The following AUTS2 variants were observed in gnomAD, a reference collection of about 807,000 sequenced individuals.
AUTS2 encodes activator of transcription and developmental regulator AUTS2, also known as autism susceptibility gene 2 protein.
In AUTS2, 17 loss-of-function variants were observed where a neutral mutation model predicts 112.4. The ratio of observed to expected loss-of-function variants is 0.15; its 90% confidence interval spans 0.10 to 0.23. AUTS2 has a LOEUF of 0.23. Among genes scored for constraint, AUTS2 ranks in the 10% least tolerant of loss-of-function variants. The pLI, the probability that AUTS2 is intolerant of heterozygous loss-of-function variation, is 1.00. For synonymous variants in AUTS2, 751 were observed against 702.7 expected, an observed-to-expected ratio of 1.07 and a Z score of -1.09; for missense variants, 1,510 against 1,701.6, an observed-to-expected ratio of 0.89 and a Z score of 1.98.
intron 4 of AUTS2, among the ~76,000 whole-genome samples, chr7:70,140,168 G>A (rs1385776585): frequency 2.0e-5 from 3 of 152,124 alleles, no homozygotes; most frequent in Non-Finnish European, 4.4e-5. Flanking sequence ...TGGCTAGATA[G>A]GATCAGATTC....
At chr7:69,721,665 A>G (rs1213057710) in intron 1 of AUTS2, among the ~76,000 whole-genome samples, 1 of 152,242 alleles carries the variant, frequency 6.6e-6, no homozygotes. Flanking sequence ...TATAGTAAGT[A>G]TAACAGCCTG....
intron 5 of AUTS2, among the ~76,000 whole-genome samples, chr7:70,598,285 A>G (rs1262999522): frequency 1.3e-5 from 2 of 152,204 alleles, no homozygotes; most frequent in African/African-American, 4.8e-5. Flanking sequence ...GTGTCCTTCC[A>G]GAACCACGGT....
In AUTS2 at chr7:69,788,302, A is replaced by G. The variant is rs546445087; in HGVS notation, c.310-110984A>G. ...CTTGAAAAGACAGCTGTGGAGAGAC[A>G]TTGCCCCCAGCTTGCAGGCTCATTA... is the stretch of plus-strand genomic sequence containing the variant. On this transcript the variant is annotated intron_variant, in intron 1 of 18. Coordinates refer to ENST00000342771, the MANE Select transcript of AUTS2 (RefSeq NM_015570.4). Among the ~76,000 whole-genome samples, 12 of 152,230 alleles carry G rather than the reference A, an allele frequency of 7.9e-5. No homozygotes were observed. The East Asian group carries it at 1.9e-3, about 25-fold the overall frequency.
intron 5 of AUTS2, among the ~76,000 whole-genome samples, chr7:70,510,690 T>G (rs139554258): frequency 6.6e-6 from 1 of 152,316 alleles, no homozygotes; most frequent in East Asian, 1.9e-4. Context: ...TACCAGACAT[T>G]AAAGAAAATT....
chr7:70,519,760 A>T (rs1026998942), intron 5 of AUTS2, among the ~76,000 whole-genome samples: 1 of 152,208 alleles, frequency 6.6e-6, no homozygotes, highest in South Asian at 2.1e-4. Context: ...ACACAAAGTT[A>T]GTGACACTGG....
At chr7:70,516,476 C>A (rs1276398955) in intron 5 of AUTS2, among the ~76,000 whole-genome samples, 1 of 152,118 alleles carries the variant, frequency 6.6e-6, no homozygotes, top group African/African-American at 2.4e-5. Context: ...TACCTCAGAC[C>A]AGCAGGAGGA....
intron 5 of AUTS2, among the ~76,000 whole-genome samples, chr7:70,625,157 C>T (rs1243946087): frequency 6.6e-6 from 1 of 152,140 alleles, no homozygotes; most frequent in Non-Finnish European, 1.5e-5. Flanking sequence ...AACATTGATG[C>T]ATAATGAATT....
intron 2 of AUTS2, among the ~76,000 whole-genome samples, chr7:69,914,001 T>C (rs758380534): frequency 7.2e-5 from 11 of 152,180 alleles, no homozygotes; most frequent in Non-Finnish European, 1.6e-4. Flanking sequence ...CATAGGGGCT[T>C]TTCTCGACCA....
chr7:70,213,133 G>A (rs114774109), intron 4 of AUTS2, among the ~76,000 whole-genome samples: 43 of 151,966 alleles, frequency 2.8e-4, no homozygotes, highest in African/African-American at 1.0e-3. Context: ...AAATTATCAC[G>A]TACTCCCCAT....
At chr7:70,162,117 A>C (rs988459110) in intron 4 of AUTS2, among the ~76,000 whole-genome samples, 11 of 152,192 alleles carry the variant, frequency 7.2e-5, no homozygotes, top group Non-Finnish European at 1.6e-4. Flanking sequence ...AAAAAAAATC[A>C]ACAGTGTAGA....
intron 4 of AUTS2, among the ~76,000 whole-genome samples, chr7:70,414,193 G>A (rs1055249424): frequency 3.3e-5 from 5 of 152,174 alleles, no homozygotes; most frequent in African/African-American, 9.7e-5. Flanking sequence ...GGCTGTCAGC[G>A]CCTGTTACCT....
chr7:70,278,927 G>A (rs952858742), intron 4 of AUTS2, among the ~76,000 whole-genome samples: 1 of 152,160 alleles, frequency 6.6e-6, no homozygotes, highest in Non-Finnish European at 1.5e-5. Flanking sequence ...AAGTAGTCAG[G>A]TTCATCTTTG....
intron 4 of AUTS2, among the ~76,000 whole-genome samples, chr7:70,165,990 T>G (rs1808361656): frequency 6.6e-6 from 1 of 152,130 alleles, no homozygotes; most frequent in African/African-American, 2.4e-5. Flanking sequence ...ATCTGGTGGT[T>G]TAAAAGTGTG....
chr7:69,936,833 A>C (rs1004947177), intron 2 of AUTS2, among the ~76,000 whole-genome samples: 1 of 152,150 alleles, frequency 6.6e-6, no homozygotes. Context: ...CTAAATGCAA[A>C]TTATCTCACT....
intron 5 of AUTS2, among the ~76,000 whole-genome samples, chr7:70,629,052 C>T (rs751855127): frequency 4.6e-5 from 7 of 152,102 alleles, no homozygotes; most frequent in Non-Finnish European, 8.8e-5. Flanking sequence ...GCGGGGCAGT[C>T]GGGTTTGCTG....
At chr7:69,711,663 A>T (rs1329177828) in intron 1 of AUTS2, among the ~76,000 whole-genome samples, 2 of 152,210 alleles carry the variant, frequency 1.3e-5, no homozygotes, top group Non-Finnish European at 2.9e-5. Context: ...TCCATAATTT[A>T]TTTCTGGCCT....
chr7:69,811,363 G>A (rs1790535305), intron 1 of AUTS2, among the ~76,000 whole-genome samples: 1 of 152,028 alleles, frequency 6.6e-6, no homozygotes, highest in Admixed American at 6.5e-5. Context: ...CAAAGGTCTG[G>A]CATGTGATGG....
chr7:69,888,410 G>C (rs1794368439), intron 1 of AUTS2, among the ~76,000 whole-genome samples: 1 of 151,084 alleles, frequency 6.6e-6, no homozygotes. Flanking sequence ...AGCTCGTGTG[G>C]GAACTAACAG....
chr7:70,653,824 C>T (rs1806633650), intron 5 of AUTS2, among the ~76,000 whole-genome samples: 1 of 152,138 alleles, frequency 6.6e-6, no homozygotes, highest in Non-Finnish European at 1.5e-5. Context: ...CTCATGGGGA[C>T]ATTGTAATCA....
Sources: gnomAD v4.1 joint callset for allele counts (sites outside exome capture counted in the v4.1 genomes callset) on GRCh38, gnomAD v4.1.1 for gene constraint, MANE v1.5 for transcripts, NCBI Gene and HGNC (gene_info 2026-07-23, HGNC 2026-07-21) for gene names.